The following RYR3 variants were observed in gnomAD, a reference collection of about 807,000 sequenced individuals.
RYR3 encodes the protein brain ryanodine receptor-calcium release channel.
In RYR3, 207 loss-of-function variants were observed where a neutral mutation model predicts 584.3. The ratio of observed to expected loss-of-function variants is 0.35; its 90% confidence interval spans 0.32 to 0.40. The LOEUF (loss-of-function observed/expected upper bound fraction) is 0.40. Among genes scored for constraint, RYR3 ranks in the 10% least tolerant of loss-of-function variants. The pLI, the probability that RYR3 is intolerant of heterozygous loss-of-function variation, is 1.00. For synonymous variants in RYR3, 2,416 were observed against 2,248.5 expected (o/e 1.07, Z -2.11); for missense variants, 5,616 against 6,089.2 (o/e 0.92, Z 2.59).
At chr15:33,841,372 C>T (rs574824545) in intron 90 of RYR3, among the ~76,000 whole-genome samples, 2 of 152,258 alleles carry the variant, frequency 1.3e-5, no homozygotes, top group African/African-American at 2.4e-5. Flanking sequence ...ATAATAAATA[C>T]CTTATATTTA....
intron 1 of RYR3, among the ~76,000 whole-genome samples, chr15:33,384,167 A>G (rs2041402329): frequency 6.6e-6 from 1 of 152,148 alleles, no homozygotes; most frequent in Non-Finnish European, 1.5e-5. Flanking sequence ...CATTACAAAT[A>G]TGTAAGATAC....
Position 33,864,185 on chromosome 15 carries a change from G to A in RYR3, c.14513G>A (p.Gly4838Asp). 6.2e-7 allele frequency: 1 copy of A among 1,610,620 alleles called. No individual in the cohort carries two copies. Among genetic ancestry groups the A allele is most frequent in the Non-Finnish European group, 8.5e-7 (1 of 1,177,996 alleles). The change falls in exon 103 of 104, where the codon GGT becomes GAT. Residue 4838 changes from glycine to aspartate, a missense_variant. This residue lies in a region of RYR3 where 918 missense variants were observed against 887.4 expected (regional missense o/e 1.03). Coordinates refer to ENST00000634891, the MANE Select transcript of RYR3 (RefSeq NM_001036.6). ...LINKDETEHT[G>D]QESYVWKMYQ... ...AATAAAGATGAAACAGAGCACACGG[G>A]TCAGGTGAGAAATTAAGAATCATAT...
chr15:33,835,715 C>T (rs79019670), intron 87 of RYR3, among the ~76,000 whole-genome samples: 1 of 152,248 alleles, frequency 6.6e-6, no homozygotes, highest in African/African-American at 2.4e-5. Flanking sequence ...GCTGTCACAT[C>T]TGCCTCCTCT....
At chr15:33,854,321 T>A in intron 96 of RYR3, 68 bp from the exon 97 acceptor site, 1 of 1,330,158 alleles carries the variant, frequency 7.5e-7, no homozygotes, top group East Asian at 2.5e-5. Flanking sequence ...ACTTACTTTT[T>A]CCCCCTTATT....
chr15:33,861,132 G>C lies in RYR3; in HGVS notation c.14419G>C (p.Gly4807Arg), dbSNP rs1375184939. The C allele has an allele frequency of 6.3e-7, 1 of 1,597,672 alleles. No individual in the cohort carries two copies. The highest frequency in any genetic ancestry group is 8.5e-7 in the Non-Finnish European group (1 of 1,171,228). ...TGACTACTTTGACACAACCCCTCAT[G>C]GTTTTGAAACACATACATTACAAGA... Reference protein sequence around the residue: ...GNDYFDTTPHGFETHTLQEHN... With the variant: ...GNDYFDTTPHRFETHTLQEHN... Residue 4807 changes from glycine to arginine, a missense_variant, in exon 102 of 104, where the codon GGT (glycine) becomes CGT (arginine). By Grantham distance (125) the Gly-to-Arg change is moderately radical (BLOSUM62 -2). Coordinates refer to ENST00000634891, the MANE Select transcript of RYR3 (RefSeq NM_001036.6).
chr15:33,858,083 G>A, intron 99 of RYR3, 169 bp downstream of exon 99: 2 of 903,654 alleles, frequency 2.2e-6, no homozygotes, highest in Non-Finnish European at 1.6e-6. Context: ...AAACAGGAGA[G>A]TGTCCTGGGA....
At position 33,659,200 on chromosome 15, in the gene RYR3, T is replaced by C. The variant is rs144569634; in HGVS notation, c.4309-520T>C. 9.6e-4 allele frequency among the ~76,000 whole-genome samples: 146 copies of C among 152,266 alleles called. 1 individual carries two copies. The highest frequency in any genetic ancestry group is 3.5e-3 in the African/African-American group (144 of 41,560). ...CCGCAAAAAGCTACCTGGCCTGAAA[T>C]GTCGGCAGTGCCAAGGTTGAGAAAC... is the stretch of plus-strand genomic sequence containing the variant. On this transcript the variant is annotated intron_variant, in intron 32 of 103. Coordinates refer to ENST00000634891, the MANE Select transcript of RYR3 (RefSeq NM_001036.6).
intron 16 of RYR3, among the ~76,000 whole-genome samples, chr15:33,600,577 G>A (rs1189189628): frequency 6.6e-6 from 1 of 152,092 alleles, no homozygotes; most frequent in African/African-American, 2.4e-5. Flanking sequence ...AGCTGCCTAG[G>A]AAGTGGGAAT....
At chr15:33,564,794 G>C (rs1469463170) in intron 11 of RYR3, among the ~76,000 whole-genome samples, 8 of 152,194 alleles carry the variant, frequency 5.3e-5, no homozygotes, top group Admixed American at 4.6e-4. Context: ...TCATTTAACT[G>C]TTAGAATGTA....
intron 1 of RYR3, among the ~76,000 whole-genome samples, chr15:33,445,310 A>T (rs1360378612): frequency 6.6e-6 from 1 of 152,082 alleles, no homozygotes; most frequent in East Asian, 1.9e-4. Flanking sequence ...AGGAATAAGG[A>T]TGAGGGAGGA....
intron 103 of RYR3, 78 bp from the exon 104 acceptor site, chr15:33,865,053 C>CACAAAGA: frequency 9.1e-7 from 1 of 1,093,874 alleles, no homozygotes; most frequent in East Asian, 2.4e-5. Context: ...TAAAGGGAGC[C>CACAAAGA]ACAAAGAACA....
chr15:33,745,611 G>A (rs1380756927), intron 52 of RYR3, among the ~76,000 whole-genome samples: 2 of 152,158 alleles, frequency 1.3e-5, no homozygotes, highest in Non-Finnish European at 2.9e-5. Context: ...TTAAACTTCT[G>A]TGACTCTAGG....
chr15:33,516,338 C>G (rs2053517429), intron 3 of RYR3, among the ~76,000 whole-genome samples: 1 of 149,704 alleles, frequency 6.7e-6, no homozygotes, highest in Admixed American at 6.7e-5. Context: ...TCTGTAAGAT[C>G]TACTTTTTTT....
intron 26 of RYR3, 40 bp downstream of exon 26, chr15:33,635,859 A>C: frequency 6.5e-7 from 1 of 1,544,574 alleles, no homozygotes; most frequent in South Asian, 1.2e-5. Context: ...CCTCAGACCA[A>C]GTTTTCCTTC....
At chr15:33,410,103 G>T (rs1339885852) in intron 1 of RYR3, among the ~76,000 whole-genome samples, 1 of 152,132 alleles carries the variant, frequency 6.6e-6, no homozygotes, top group African/African-American at 2.4e-5. Flanking sequence ...TGTAAACATG[G>T]TCTGGGGCTG....
chr15:33,842,838 A>C (rs1053689675), intron 91 of RYR3, among the ~76,000 whole-genome samples: 1 of 152,168 alleles, frequency 6.6e-6, no homozygotes, highest in Non-Finnish European at 1.5e-5. Context: ...GTGATCACGA[A>C]AATGCAGTCA....
chr15:33,835,961 A>G (rs1031790167), intron 87 of RYR3, among the ~76,000 whole-genome samples: 6 of 151,968 alleles, frequency 3.9e-5, no homozygotes, highest in Non-Finnish European at 8.8e-5. Context: ...AAATATCCCA[A>G]GTTAGAATAG....
At chr15:33,502,516 A>C (rs1486828827) in intron 2 of RYR3, among the ~76,000 whole-genome samples, 2 of 152,216 alleles carry the variant, frequency 1.3e-5, no homozygotes, top group Non-Finnish European at 2.9e-5. Context: ...GGATTGGTAC[A>C]CAGGTGATCA....
chr15:33,816,284 G>A (rs1195326570), intron 74 of RYR3, among the ~76,000 whole-genome samples: 1 of 152,156 alleles, frequency 6.6e-6, no homozygotes, highest in East Asian at 1.9e-4. Flanking sequence ...CACATACCAG[G>A]GACATAGCTA....
Sources: allele counts gnomAD v4.1 joint callset (sites outside exome capture counted in the v4.1 genomes callset), GRCh38; gene constraint gnomAD v4.1.1; regional missense constraint gnomAD v4.1.1; transcripts MANE v1.5; gene names NCBI Gene and HGNC (gene_info 2026-07-23, HGNC 2026-07-21).